SPHKAP: variants seen among roughly 807,000 people sequenced by gnomAD.
The protein encoded by SPHKAP is A-kinase anchor protein SPHKAP.
Under a neutral mutation model 137.5 loss-of-function variants are expected in SPHKAP, and 67 were observed. That is an observed-to-expected ratio of 0.49 (90% CI 0.40 to 0.60). The LOEUF is 0.60. Ranked by LOEUF, SPHKAP falls within the 20% of genes least tolerant of loss-of-function variation. SPHKAP has a pLI of 0.00. For missense variants in SPHKAP, 2,097 were observed against 2,069.3 expected, an observed-to-expected ratio of 1.01 and a Z score of -0.26; for synonymous variants, 813 against 785.3, an observed-to-expected ratio of 1.04 and a Z score of -0.59.
intron 2 of SPHKAP, chr2:228,109,494 T>C: frequency 2.9e-5 from 14 of 488,928 alleles, no homozygotes; most frequent in Non-Finnish European, 3.7e-5. Flanking sequence ...CATTTGCCAT[T>C]TAGAAATAGC....
At chr2:228,054,132 T>G (rs1696355988) in intron 3 of SPHKAP, among the ~76,000 whole-genome samples, 1 of 152,064 alleles carries the variant, frequency 6.6e-6, no homozygotes. Flanking sequence ...GCAGTAGAAG[T>G]GGCCAAGGTA....
At chr2:228,091,929 G>A (rs1467155655) in intron 3 of SPHKAP, among the ~76,000 whole-genome samples, 2 of 151,968 alleles carry the variant, frequency 1.3e-5, no homozygotes, top group Non-Finnish European at 2.9e-5. Flanking sequence ...TATCTACCCA[G>A]AGGAAAAGAA....
intron 3 of SPHKAP, among the ~76,000 whole-genome samples, chr2:228,045,040 A>C (rs1480718031): frequency 1.3e-5 from 2 of 151,968 alleles, no homozygotes; most frequent in Non-Finnish European, 2.9e-5. Flanking sequence ...AATCAAAACC[A>C]CGATGAGATA....
intron 5 of SPHKAP, 141 bp from the exon 6 acceptor site, chr2:228,022,107 A>G: frequency 2.3e-6 from 3 of 1,322,216 alleles, no homozygotes; most frequent in Non-Finnish European, 2.9e-6. Context: ...CTGGAATTAT[A>G]TTAATAAACT....
intron 1 of SPHKAP, among the ~76,000 whole-genome samples, chr2:228,137,685 A>G (rs1699478584): frequency 6.6e-6 from 1 of 152,208 alleles, no homozygotes; most frequent in Admixed American, 6.5e-5. Context: ...CACTAGAAAA[A>G]AAAATTAAAA....
Position 228,017,238 on chromosome 2 carries a change from T to C in SPHKAP, c.3616A>G (p.Ser1206Gly). The C allele has an allele frequency of 6.2e-7, 1 of 1,614,064 alleles. No individual in the cohort carries two copies. ...RYMLRDIERD[S>G]RESASSRRSS... Reference sequence around the variant, plus strand: ...CGTCTGGAGGAGGCACTTTCTCTGCTGTCTCTTTCGATGTCCCTCAGCATG... The same window carrying C: ...CGTCTGGAGGAGGCACTTTCTCTGCCGTCTCTTTCGATGTCCCTCAGCATG... Residue 1206 changes from serine (S) to glycine (G), a missense_variant, in exon 7 of 12, where the codon AGC becomes GGC. Physicochemically the swap from Ser to Gly is moderately conservative, Grantham distance 56. Transcript: ENST00000392056.
intron 2 of SPHKAP, 55 bp from the exon 3 acceptor site, chr2:228,108,994 A>G: frequency 1.8e-6 from 2 of 1,103,428 alleles, no homozygotes; most frequent in Non-Finnish European, 2.5e-6. Context: ...CTATCTAAAC[A>G]GCAGCTCTCT....
chr2:228,049,441 G>C (rs1321886828), intron 3 of SPHKAP, among the ~76,000 whole-genome samples: 3 of 152,154 alleles, frequency 2.0e-5, no homozygotes, highest in African/African-American at 7.2e-5. Flanking sequence ...GATCACAAAT[G>C]TGAGACATTG....
At position 227,983,001 on chromosome 2, in the gene SPHKAP, G is replaced by C. The variant is rs371988388; in HGVS notation, c.4960-1141C>G. Among the ~76,000 whole-genome samples the C allele has an allele frequency of 7.9e-5, 12 of 152,254 alleles. No homozygotes were observed. The East Asian group carries it at 2.1e-3, about 27-fold the overall frequency. ...CTTGGAGCACTGGGAGAAAAAATAG[G>C]CTGGAAATTTGGCATTGTTTTAGGA... On this transcript the variant is annotated intron_variant, in intron 11 of 11. Transcript: ENST00000392056.
chr2:228,178,425 G>A lies in SPHKAP; in HGVS notation c.32+3142C>T, dbSNP rs559049460. On this transcript the variant is annotated intron_variant, in intron 1 of 11. Transcript: ENST00000392056. ...TAGATAACACTTGATAACACCTTAC[G>A]AAACACACGCTAGTTACCAATATAA... Among the ~76,000 whole-genome samples the A allele has an allele frequency of 1.2e-4, 19 of 152,172 alleles. No individual in the cohort carries two copies. The South Asian group carries it at 3.1e-3, about 25-fold the overall frequency.
At chr2:228,102,182 T>G (rs947721241) in intron 3 of SPHKAP, among the ~76,000 whole-genome samples, 1 of 152,234 alleles carries the variant, frequency 6.6e-6, no homozygotes, top group African/African-American at 2.4e-5. Flanking sequence ...TTTTTCATAT[T>G]GTAGTACAGA....
intron 3 of SPHKAP, among the ~76,000 whole-genome samples, chr2:228,062,180 T>C (rs1295475713): frequency 6.6e-6 from 1 of 151,792 alleles, no homozygotes; most frequent in Non-Finnish European, 1.5e-5. Context: ...TTTCTTTTTT[T>C]TTTTTTAAAT....
chr2:228,024,667 G>T (rs1199545226), intron 5 of SPHKAP, among the ~76,000 whole-genome samples: 1 of 152,088 alleles, frequency 6.6e-6, no homozygotes, highest in Admixed American at 6.6e-5. Context: ...AAAACCCAAG[G>T]AAGAACAATT....
chr2:228,070,582 C>T (rs1267329595), intron 3 of SPHKAP, among the ~76,000 whole-genome samples: 1 of 152,088 alleles, frequency 6.6e-6, no homozygotes, highest in African/African-American at 2.4e-5. Flanking sequence ...ACTCTCCTGC[C>T]ACACTGTCTA....
rs1339094939 is a variant in SPHKAP, at chr2:228,132,028, A to G, written c.90T>C (p.Cys30=). ...DVLEPQQGRG[C]GSSGSGPGNS... ...TCCCCGGGCCGCTTCCTGAGCTGCCACAGCCTCTGCCCTGCTGCGGTTCCA... is the reference window on the plus strand; with the variant it reads ...TCCCCGGGCCGCTTCCTGAGCTGCCGCAGCCTCTGCCCTGCTGCGGTTCCA... The change falls in exon 2 of 12, where the codon TGT becomes TGC. Residue 30 remains cysteine (C), a synonymous_variant. Transcript: ENST00000392056. The G allele has an allele frequency of 6.2e-6, 10 of 1,614,106 alleles. No individual in the cohort carries two copies. The highest frequency in any genetic ancestry group is 1.7e-4 in the Middle Eastern group (1 of 6,052).
chr2:228,020,435 G>A (rs548474038), intron 6 of SPHKAP, among the ~76,000 whole-genome samples: 3 of 152,230 alleles, frequency 2.0e-5, no homozygotes, highest in African/African-American at 7.2e-5. Flanking sequence ...GGATGAAGCC[G>A]GAAACCATTA....
Position 228,017,528 on chromosome 2 carries a change from G to T in SPHKAP, c.3326C>A (p.Pro1109Gln), listed in dbSNP as rs756170282. The T allele has an allele frequency of 1.9e-5, 31 of 1,612,974 alleles. No individual in the cohort carries two copies. The highest frequency in any genetic ancestry group is 2.3e-5 in the Non-Finnish European group (27 of 1,179,696). ...SLGLMSTLSQ[P>Q]VSRASSVSKQ... is the part of the protein sequence containing the mutation. Reference sequence around the variant, plus strand: ...GGAGACAGAGCTGGCCCTGCTGACCGGCTGGCTCAGCGTGCTCATTAAGCC... The same window carrying T: ...GGAGACAGAGCTGGCCCTGCTGACCTGCTGGCTCAGCGTGCTCATTAAGCC... Residue 1109 changes from proline (P) to glutamine (Q), a missense_variant, in exon 7 of 12, where the codon CCG (proline) becomes CAG (glutamine). Physicochemically the swap from Pro to Gln is moderately conservative, Grantham distance 76. Coordinates refer to ENST00000392056, the MANE Select transcript of SPHKAP (RefSeq NM_001142644.2).
chr2:228,116,123 T>A (rs1023080181), intron 2 of SPHKAP, among the ~76,000 whole-genome samples: 3 of 152,108 alleles, frequency 2.0e-5, no homozygotes, highest in Non-Finnish European at 2.9e-5. Context: ...TTACACAGTT[T>A]AACGTATTTT....
chr2:228,054,702 T>A (rs1375427458), intron 3 of SPHKAP, among the ~76,000 whole-genome samples: 2 of 152,068 alleles, frequency 1.3e-5, no homozygotes, highest in Non-Finnish European at 2.9e-5. Flanking sequence ...CTGATGTGTA[T>A]TTGGAGTTAA....
Sources: allele counts gnomAD v4.1 joint callset (sites outside exome capture counted in the v4.1 genomes callset), GRCh38; gene constraint gnomAD v4.1.1; transcripts MANE v1.5; gene names NCBI Gene and HGNC (gene_info 2026-07-23, HGNC 2026-07-21).